The following TNIK variants were observed in gnomAD, a reference collection of about 807,000 sequenced individuals.
The protein encoded by TNIK is TRAF2 and NCK interacting kinase, also known as TRAF2 and NCK-interacting protein kinase.
In TNIK, 49 loss-of-function variants were observed where a neutral mutation model predicts 191.3. The ratio of observed to expected loss-of-function variants is 0.26; its 90% CI spans 0.20 to 0.32. The LOEUF (loss-of-function observed/expected upper bound fraction) is 0.32. TNIK is among the 10% of genes least tolerant of loss of function. The pLI is 1.00. For missense variants in TNIK, 1,155 were observed against 1,702.3 expected (o/e 0.68, Z 5.66); for synonymous variants, 594 against 600.9 (o/e 0.99, Z 0.17).
intron 3 of TNIK, among the ~76,000 whole-genome samples, chr3:171,220,460 G>A (rs1360378088): frequency 1.3e-5 from 2 of 152,128 alleles, no homozygotes; most frequent in Non-Finnish European, 2.9e-5. Flanking sequence ...AAATACTGAT[G>A]AGGAAGTCAA....
intron 10 of TNIK, among the ~76,000 whole-genome samples, chr3:171,162,944 C>A (rs1414294812): frequency 6.6e-6 from 1 of 152,176 alleles, no homozygotes; most frequent in East Asian, 1.9e-4. Flanking sequence ...TGCCACTGGT[C>A]ATAATGGAGG....
intron 1 of TNIK, among the ~76,000 whole-genome samples, chr3:171,433,169 T>C (rs181574524): frequency 2.7e-4 from 41 of 150,736 alleles, no homozygotes; most frequent in African/African-American, 9.5e-4. Flanking sequence ...AATTGGATTT[T>C]TGAAAACAGT....
intron 1 of TNIK, among the ~76,000 whole-genome samples, chr3:171,382,648 C>T (rs1362431593): frequency 6.6e-6 from 1 of 152,192 alleles, no homozygotes; most frequent in African/African-American, 2.4e-5. Flanking sequence ...TGATGTTCCA[C>T]TTCCAGATGG....
At chr3:171,439,112 A>G (rs1050422932) in intron 1 of TNIK, among the ~76,000 whole-genome samples, 2 of 152,176 alleles carry the variant, frequency 1.3e-5, no homozygotes, top group Non-Finnish European at 2.9e-5. Flanking sequence ...TGGGAGGCCG[A>G]GGCAGGCGGA....
chr3:171,276,833 A>T (rs890060517), intron 2 of TNIK, among the ~76,000 whole-genome samples: 16 of 152,244 alleles, frequency 1.1e-4, no homozygotes, highest in African/African-American at 3.6e-4. Flanking sequence ...TGCAGTAAAA[A>T]GTAGAGAAAC....
intron 7 of TNIK, among the ~76,000 whole-genome samples, chr3:171,179,656 TAGTC>T (rs1324409637): frequency 1.3e-5 from 2 of 152,222 alleles, no homozygotes; most frequent in East Asian, 3.9e-4. Context: ...TTCACAGTGT[TAGTC>T]AGGATGGTCT....
At chr3:171,376,745 A>ATGAT (rs1046866048) in intron 1 of TNIK, among the ~76,000 whole-genome samples, 1 of 141,284 alleles carries the variant, frequency 7.1e-6, no homozygotes, top group African/African-American at 2.6e-5. Context: ...AGATAGATAG[A>ATGAT]TGATAGATAG....
chr3:171,068,848 A>T lies in TNIK; in HGVS notation c.3699T>A (p.His1233Gln). The T allele has an allele frequency of 6.2e-7, 1 of 1,612,418 alleles. No homozygotes were observed. The highest frequency in any genetic ancestry group is 8.5e-7 in the Non-Finnish European group (1 of 1,179,148). Reference sequence around the variant, plus strand: ...TGAAAGTCTACTTCTGAGTACTTACATGAGATGGTATGTAGATATCATAAG... The same window carrying T: ...TGAAAGTCTACTTCTGAGTACTTACTTGAGATGGTATGTAGATATCATAAG... ...GNSYDIYIPS[H>Q]IQGNITPHAI... Residue 1233 changes from histidine (H) to glutamine (Q), a missense_variant and splice_region_variant, in exon 30 of 33, where the codon CAT (histidine) becomes CAA (glutamine). This residue lies in a region of TNIK where 195 missense variants were observed against 415.4 expected (regional missense o/e 0.47). Transcript: ENST00000436636.
chr3:171,187,204 A>G (rs754429364), intron 7 of TNIK, among the ~76,000 whole-genome samples: 20 of 152,240 alleles, frequency 1.3e-4, no homozygotes, highest in Non-Finnish European at 2.1e-4. Flanking sequence ...CATGATACCC[A>G]TATCTGGCCT....
At chr3:171,390,117 G>A (rs1381293000) in intron 1 of TNIK, among the ~76,000 whole-genome samples, 2 of 152,160 alleles carry the variant, frequency 1.3e-5, no homozygotes, top group Non-Finnish European at 2.9e-5. Flanking sequence ...TTGATTTTCA[G>A]GGAACATGTG....
chr3:171,185,275 C>A (rs1737224804), intron 7 of TNIK, among the ~76,000 whole-genome samples: 3 of 150,326 alleles, frequency 2.0e-5, no homozygotes, highest in South Asian at 4.2e-4. Context: ...TGGCATTCAG[C>A]CACAGAAATT....
At chr3:171,135,231 C>A (rs1729819040) in intron 15 of TNIK, among the ~76,000 whole-genome samples, 1 of 152,144 alleles carries the variant, frequency 6.6e-6, no homozygotes, top group African/African-American at 2.4e-5. Flanking sequence ...TCACTTTGAG[C>A]CCCTGCCTTC....
chr3:171,378,687 T>G (rs1331365378), intron 1 of TNIK, among the ~76,000 whole-genome samples: 2 of 152,110 alleles, frequency 1.3e-5, no homozygotes, highest in African/African-American at 4.8e-5. Flanking sequence ...ACAGCCACAA[T>G]GCGGTAAGGT....
chr3:171,082,264 A>G lies in TNIK; in HGVS notation c.3300T>C (p.Leu1100=). The change falls in exon 27 of 33, where the codon CTT becomes CTC. Residue 1100 remains leucine, a synonymous_variant. Coordinates refer to ENST00000436636, the MANE Select transcript of TNIK (RefSeq NM_015028.4). The stretch of plus-strand genomic sequence containing the variant: ...TTAGTAACATACCTGAAATTGTCAC[A>G]AGGACATTCAGTCCCTCTAGCACAT... ...QMDVLEGLNV[L]VTISGKKNKL... 2 of 1,613,214 alleles carry G rather than the reference A, an allele frequency of 1.2e-6. No homozygotes were observed. The highest frequency in any genetic ancestry group is 1.7e-6 in the Non-Finnish European group (2 of 1,179,554).
rs1244800084 is a variant in TNIK, at chr3:171,159,326, C to T, written c.1017-1662G>A. 6.6e-6 allele frequency among the ~76,000 whole-genome samples: 1 copy of T among 151,854 alleles called. No homozygotes were observed. Among genetic ancestry groups the T allele is most frequent in the African/African-American group, 2.4e-5 (1 of 41,324 alleles). ...GGCTGGGTGACGGTGGTAACGAGAA[C>T]AGGAATGAGGAATGCTGAGGGAGGA... On this transcript the variant is annotated intron_variant, in intron 11 of 32. Coordinates refer to ENST00000436636, the MANE Select transcript of TNIK (RefSeq NM_015028.4). The surrounding 1 kb of genome is among the most constrained non-coding windows in gnomAD (Gnocchi z 4.1).
chr3:171,108,769 C>T (rs914192911), intron 19 of TNIK, among the ~76,000 whole-genome samples: 7 of 152,060 alleles, frequency 4.6e-5, no homozygotes, highest in African/African-American at 1.7e-4. Flanking sequence ...GTGGTCTCAG[C>T]CCTTTAAAAA....
At chr3:171,391,774 T>C (rs1261215104) in intron 1 of TNIK, among the ~76,000 whole-genome samples, 1 of 152,322 alleles carries the variant, frequency 6.6e-6, no homozygotes, top group South Asian at 2.1e-4. Flanking sequence ...AGTTAACTTG[T>C]AGGCCCCCAG....
intron 2 of TNIK, among the ~76,000 whole-genome samples, chr3:171,252,060 A>G (rs1746284782): frequency 6.6e-6 from 1 of 151,862 alleles, no homozygotes; most frequent in East Asian, 1.9e-4. Context: ...AAAATCTGGT[A>G]TGCGTGTGTG....
At chr3:171,196,847 T>G (rs1025251242) in intron 4 of TNIK, among the ~76,000 whole-genome samples, 4 of 152,120 alleles carry the variant, frequency 2.6e-5, no homozygotes, top group Admixed American at 6.5e-5. Flanking sequence ...CTCCACCTCT[T>G]GGGTTCACAC....
Sources: allele counts gnomAD v4.1 joint callset (sites outside exome capture counted in the v4.1 genomes callset), GRCh38; gene constraint gnomAD v4.1.1; regional missense constraint gnomAD v4.1.1; non-coding constraint Gnocchi (gnomAD v3.1); transcripts MANE v1.5; gene names NCBI Gene and HGNC (gene_info 2026-07-23, HGNC 2026-07-21).